The following PABPC4L variants were observed in gnomAD, a reference collection of about 807,000 sequenced individuals.
The protein encoded by PABPC4L is polyadenylate-binding protein 4-like.
For synonymous variants in PABPC4L, 169 were observed against 164.1 expected (o/e 1.03, Z -0.23); for missense variants, 452 against 451.4 (o/e 1.00, Z -0.01).
At chr4:134,061,879 G>T in the PABPC4L span, among the ~76,000 whole-genome samples, 7 of 150,972 alleles carry the variant, frequency 4.6e-5, no homozygotes, top group Non-Finnish European at 1.0e-4. Context: ...GAAGGAAAAA[G>T]GTGTCAAGAA....
the PABPC4L span, among the ~76,000 whole-genome samples, chr4:134,179,329 G>T: frequency 5.9e-5 from 9 of 152,186 alleles, no homozygotes; most frequent in South Asian, 8.3e-4. Flanking sequence ...TTTCAGATAA[G>T]TAAATGCTAA....
chr4:134,052,438 C>A, the PABPC4L span, among the ~76,000 whole-genome samples: 1 of 152,020 alleles, frequency 6.6e-6, no homozygotes, highest in East Asian at 1.9e-4. Context: ...CAAGTACTTC[C>A]AGTCATTATT....
the PABPC4L span, among the ~76,000 whole-genome samples, chr4:134,186,112 C>T: frequency 6.6e-6 from 1 of 152,086 alleles, no homozygotes; most frequent in Admixed American, 6.6e-5. Context: ...CCATACTGTC[C>T]AAGGTAATTT....
At chr4:134,106,496 CAG>C in the PABPC4L span, among the ~76,000 whole-genome samples, 1 of 151,228 alleles carries the variant, frequency 6.6e-6, no homozygotes, top group African/African-American at 2.4e-5. Context: ...AGAAATGTAA[CAG>C]ATCAGAGGAA....
the PABPC4L span, among the ~76,000 whole-genome samples, chr4:134,086,892 G>T: frequency 6.6e-6 from 1 of 151,508 alleles, no homozygotes; most frequent in Non-Finnish European, 1.5e-5. Flanking sequence ...ATGCTGGTGC[G>T]CTGCACCCAC....
the PABPC4L span, among the ~76,000 whole-genome samples, chr4:134,143,139 A>G: frequency 1.3e-5 from 2 of 151,392 alleles, no homozygotes; most frequent in African/African-American, 2.4e-5. Flanking sequence ...CAAAATATAT[A>G]TTATAAAACC....
chr4:134,182,958 A>G, the PABPC4L span, among the ~76,000 whole-genome samples: 2 of 151,972 alleles, frequency 1.3e-5, no homozygotes, highest in Admixed American at 1.3e-4. Context: ...ACAAAATAAC[A>G]GATGTTTGTG....
the PABPC4L span, among the ~76,000 whole-genome samples, chr4:134,030,146 A>T: frequency 1.3e-5 from 2 of 152,028 alleles, no homozygotes; most frequent in Non-Finnish European, 2.9e-5. Context: ...GCCTTAAGGC[A>T]GCACGAGAAA....
the PABPC4L span, among the ~76,000 whole-genome samples, chr4:133,950,271 A>G: frequency 6.6e-6 from 1 of 152,198 alleles, no homozygotes; most frequent in Non-Finnish European, 1.5e-5. Context: ...GTGTTCACCC[A>G]GCCAGAGAGG....
the PABPC4L span, among the ~76,000 whole-genome samples, chr4:134,051,017 AAT>A: frequency 2.3e-4 from 35 of 152,164 alleles, no homozygotes; most frequent in African/African-American, 7.9e-4. Context: ...TGCATATTTA[AAT>A]CCATTTTGCT....
At chr4:134,185,597 A>T in the PABPC4L span, among the ~76,000 whole-genome samples, 4 of 152,122 alleles carry the variant, frequency 2.6e-5, no homozygotes, top group Admixed American at 2.6e-4. Context: ...AGGGGCAAAA[A>T]CTGGAAGCAT....
the PABPC4L span, among the ~76,000 whole-genome samples, chr4:134,036,302 C>T: frequency 6.6e-6 from 1 of 151,974 alleles, no homozygotes; most frequent in Admixed American, 6.6e-5. Flanking sequence ...TATTTTTAAA[C>T]AAATTTAGTT....
chr4:134,011,155 T>G, the PABPC4L span, among the ~76,000 whole-genome samples: 1 of 152,146 alleles, frequency 6.6e-6, no homozygotes, highest in Non-Finnish European at 1.5e-5. Context: ...TGACTCATTT[T>G]GTGGCTCAAA....
the PABPC4L span, among the ~76,000 whole-genome samples, chr4:134,011,056 T>C: frequency 6.6e-6 from 1 of 152,158 alleles, no homozygotes; most frequent in Non-Finnish European, 1.5e-5. Flanking sequence ...TACCAAATAA[T>C]ACATTCCTCT....
At chr4:133,971,260 C>T in the PABPC4L span, among the ~76,000 whole-genome samples, 1 of 151,624 alleles carries the variant, frequency 6.6e-6, no homozygotes, top group Non-Finnish European at 1.5e-5. Flanking sequence ...TACAGGGGCC[C>T]GCCACCACGC....
the PABPC4L span, among the ~76,000 whole-genome samples, chr4:134,184,981 T>C: frequency 6.6e-6 from 1 of 152,046 alleles, no homozygotes; most frequent in Non-Finnish European, 1.5e-5. Context: ...ATCTCCTTTC[T>C]TGAGATGTCT....
At chr4:133,968,225 T>C in the PABPC4L span, among the ~76,000 whole-genome samples, 1 of 152,138 alleles carries the variant, frequency 6.6e-6, no homozygotes, top group African/African-American at 2.4e-5. Flanking sequence ...ACCTCAGAAA[T>C]TACTCCAAGT....
At chr4:134,178,365 C>CAAAAAAAAAAAAAAAAAAAAAACA in the PABPC4L span, among the ~76,000 whole-genome samples, 1 of 104,062 alleles carries the variant, frequency 9.6e-6, no homozygotes, top group Non-Finnish European at 2.0e-5. Context: ...AAGAAAAAAG[C>CAAAAAAAAAAAAAAAAAAAAAACA]AAAAAAAAAA....
Position 134,197,985 on chromosome 4 carries a change from A to T in PABPC4L, c.*1922T>A, listed in dbSNP as rs898665385. 1 of 151,800 alleles carries T rather than the reference A, an allele frequency of 6.6e-6. No homozygotes were observed. Among genetic ancestry groups the T allele is most frequent in the Admixed American group, 6.6e-5 (1 of 15,258 alleles). The allele number at this position is 151,800 out of a possible 1,614,324, so 9.4% of individuals were successfully genotyped here. ...GAAAATAGATATATTTGCATATATAAGTTCGCAAGGATGTTAATCTCCAAG... is the reference window on the plus strand; with the variant it reads ...GAAAATAGATATATTTGCATATATATGTTCGCAAGGATGTTAATCTCCAAG... On this transcript the variant is annotated 3_prime_UTR_variant, in exon 2 of 2. Transcript: ENST00000421491.
Sources: allele counts gnomAD v4.1 joint callset (sites outside exome capture counted in the v4.1 genomes callset), GRCh38; gene constraint gnomAD v4.1.1; transcripts MANE v1.5; gene names NCBI Gene and HGNC (gene_info 2026-07-23, HGNC 2026-07-21).